Variants in PTCHD1 observed in about 807,000 individuals in gnomAD.
The protein encoded by PTCHD1 is patched domain-containing protein 1.
PTCHD1 carries 3 observed loss-of-function variants against 34.6 expected under a neutral mutation model. The ratio of observed to expected loss-of-function variants is 0.09; its 90% CI spans 0.04 to 0.22. The LOEUF (loss-of-function observed/expected upper bound fraction) is 0.22. Ranked by LOEUF, PTCHD1 falls within the 10% of genes least tolerant of loss-of-function variation. The pLI, the probability that PTCHD1 is intolerant of heterozygous loss-of-function variation, is 1.00. For missense variants in PTCHD1, 504 were observed against 685.5 expected (o/e 0.74, Z 2.96); for synonymous variants, 305 against 283.1 (o/e 1.08, Z -0.77).
intron 1 of PTCHD1, among the ~76,000 whole-genome samples, chrX:23,352,006 G>T (rs1921649711): frequency 8.9e-6 from 1 of 111,852 alleles, no homozygotes; most frequent in South Asian, 3.8e-4. Context: ...CCATGGGAAA[G>T]AATTAGTAGA....
Position 23,393,645 on chromosome X carries a change from C to T in PTCHD1, c.2127C>T (p.Phe709=). 1 of 1,210,196 alleles carries T rather than the reference C, an allele frequency of 8.3e-7. No individual in the cohort carries two copies. The highest frequency in any genetic ancestry group is 1.1e-6 in the Non-Finnish European group (1 of 895,222). The change falls in exon 3 of 3, where the codon TTC becomes TTT. Residue 709 remains phenylalanine, a synonymous_variant. Coordinates refer to ENST00000379361, the MANE Select transcript of PTCHD1 (RefSeq NM_173495.3). The part of the protein sequence containing the change: ...PLHNSCISAL[F]LLFFSAFLVA... ...ACAACTCCTGCATCAGTGCTTTGTT[C>T]CTGCTCTTCTTCTCGGCATTCCTGG...
chrX:23,384,542 T>A (rs981607826), intron 2 of PTCHD1, among the ~76,000 whole-genome samples: 3 of 112,170 alleles, frequency 2.7e-5, no homozygotes, highest in Non-Finnish European at 5.6e-5. Flanking sequence ...GAAGATTGGG[T>A]TCCATTCTCC....
chrX:23,339,366 A>C (rs1296285721), intron 1 of PTCHD1, among the ~76,000 whole-genome samples: 2 of 111,665 alleles, frequency 1.8e-5, no homozygotes, highest in East Asian at 5.6e-4. Flanking sequence ...CTTTGTACAA[A>C]GTCCTCTTCT....
chrX:23,350,220 T>G (rs1453856808), intron 1 of PTCHD1, among the ~76,000 whole-genome samples: 3 of 111,300 alleles, frequency 2.7e-5, no homozygotes, highest in Non-Finnish European at 5.7e-5. Flanking sequence ...TTTAACTCTG[T>G]CCAGTTTGGC....
At chrX:23,358,464 C>T (rs1921874033) in intron 1 of PTCHD1, among the ~76,000 whole-genome samples, 1 of 112,091 alleles carries the variant, frequency 8.9e-6, no homozygotes, top group South Asian at 3.8e-4. Context: ...GGTGTCTGTT[C>T]AAATACTTTG....
chrX:23,360,814 C>A lies in PTCHD1; in HGVS notation c.352-18777C>A, dbSNP rs1029556789. On this transcript the variant is annotated intron_variant, in intron 1 of 2. Coordinates refer to ENST00000379361, the MANE Select transcript of PTCHD1 (RefSeq NM_173495.3). ...GCTATAAATTGCCCTCTACACCCTA[C>A]TTTAAATGTGTCCCAGACATTCTGG... 6.2e-5 allele frequency among the ~76,000 whole-genome samples: 7 copies of A among 112,368 alleles called. No individual in the cohort carries two copies. The South Asian group carries it at 2.2e-3, about 36-fold the overall frequency.
At chrX:23,351,185 C>T (rs1921623763) in intron 1 of PTCHD1, 3 of 676,438 alleles carry the variant, frequency 4.4e-6, no homozygotes, top group Non-Finnish European at 7.1e-6. Context: ...CCATCTGTTG[C>T]TCAGATTGGA....
chrX:23,341,188 C>T (rs1372969266), intron 1 of PTCHD1, among the ~76,000 whole-genome samples: 3 of 111,533 alleles, frequency 2.7e-5, no homozygotes, highest in African/African-American at 9.8e-5. Context: ...GGAAGCCCAC[C>T]TTTGTAATGA....
chrX:23,363,145 C>T (rs1675943246), intron 1 of PTCHD1, among the ~76,000 whole-genome samples: 1 of 112,467 alleles, frequency 8.9e-6, no homozygotes, highest in Non-Finnish European at 1.9e-5. Context: ...ATTCTCAGAG[C>T]TCAAACACTG....
At position 23,393,584 on chromosome X, in the gene PTCHD1, T is replaced by C. The variant is rs376895360; in HGVS notation, c.2066T>C (p.Met689Thr). 44 of 1,208,628 alleles carry C rather than the reference T, an allele frequency of 3.6e-5. No individual in the cohort carries two copies. The highest frequency in any genetic ancestry group is 4.7e-5 in the Non-Finnish European group (42 of 894,047). The change falls in exon 3 of 3, where the codon ATG becomes ACG. Residue 689 changes from methionine to threonine, a missense_variant. Met to Thr is a moderately conservative substitution (Grantham distance 81, BLOSUM62 -1). Coordinates refer to ENST00000379361, the MANE Select transcript of PTCHD1 (RefSeq NM_173495.3). ...FIVFNPSFVY[M>T]DRYASSLGAP... ...GTCTTCAATCCGTCCTTTGTATACA[T>C]GGATCGATATGCCTCCTCTCTGGGA... is the stretch of plus-strand genomic sequence containing the variant.
intron 1 of PTCHD1, among the ~76,000 whole-genome samples, chrX:23,365,208 A>G (rs1010355409): frequency 2.7e-5 from 3 of 112,006 alleles, no homozygotes; most frequent in African/African-American, 9.8e-5. Context: ...AAATGTGCCT[A>G]CCATCAAAAG....
chrX:23,387,431 T>G (rs948446504), intron 2 of PTCHD1, among the ~76,000 whole-genome samples: 2 of 111,796 alleles, frequency 1.8e-5, no homozygotes, highest in African/African-American at 6.5e-5. Flanking sequence ...CATGTGTGCT[T>G]CTTTTTCCCT....
At position 23,354,521 on chromosome X, in the gene PTCHD1, A is replaced by ATC. The variant is rs1261335988; in HGVS notation, c.351+19295_351+19296insTC. On this transcript the variant is annotated intron_variant, in intron 1 of 2. Coordinates refer to ENST00000379361, the MANE Select transcript of PTCHD1 (RefSeq NM_173495.3). ...AATATATATATATATATATATATAT[A>ATC]AAGAAATCCTCCAGAAGCTAGGCTA... 2.3e-3 allele frequency among the ~76,000 whole-genome samples: 243 copies of ATC among 105,652 alleles called. 1 individual carries two copies. The highest frequency in any genetic ancestry group is 4.8e-3 in the Middle Eastern group (1 of 209). 91.7% of individuals were successfully genotyped at this position (105,652 alleles called of 115,157 possible).
chrX:23,360,430 T>A (rs1258092411), intron 1 of PTCHD1, among the ~76,000 whole-genome samples: 1 of 112,297 alleles, frequency 8.9e-6, no homozygotes, highest in African/African-American at 3.2e-5. Flanking sequence ...TCTAGTTTAT[T>A]TGTGTAGAGA....
intron 1 of PTCHD1, among the ~76,000 whole-genome samples, chrX:23,345,855 C>T (rs1332801579): frequency 8.9e-6 from 1 of 111,784 alleles, no homozygotes; most frequent in African/African-American, 3.3e-5. Context: ...AGCTCTTCTA[C>T]AAAGGGTATT....
chrX:23,385,011 G>T (rs1428501155), intron 2 of PTCHD1, among the ~76,000 whole-genome samples: 5 of 111,806 alleles, frequency 4.5e-5, no homozygotes, highest in Non-Finnish European at 9.4e-5. Context: ...ATCAGTAATA[G>T]GTTCAGCATG....
intron 1 of PTCHD1, among the ~76,000 whole-genome samples, chrX:23,375,348 G>A (rs1192999782): frequency 2.0e-5 from 2 of 100,625 alleles, no homozygotes; most frequent in East Asian, 6.3e-4. Flanking sequence ...GGAGTGCTGT[G>A]GCGCGATCTC....
intron 1 of PTCHD1, among the ~76,000 whole-genome samples, chrX:23,358,381 G>C (rs1921870603): frequency 8.9e-6 from 1 of 112,137 alleles, no homozygotes; most frequent in African/African-American, 3.2e-5. Flanking sequence ...TCTCATTGTG[G>C]TTTTGATTTG....
rs1310120973 is a variant in PTCHD1, at chrX:23,379,900, C to T, written c.661C>T (p.Leu221Phe). 8.3e-7 allele frequency: 1 copy of T among 1,211,852 alleles called. No individual in the cohort carries two copies. The highest frequency in any genetic ancestry group is 1.7e-5 in the African/African-American group (1 of 57,876). Residue 221 changes from leucine to phenylalanine, a missense_variant, in exon 2 of 3, where the codon CTC becomes TTC. Leu to Phe is a conservative substitution (Grantham distance 22, BLOSUM62 0). Transcript: ENST00000379361. ...LTYYLQSINS[L>F]NDMVAERWES... Reference sequence around the variant, plus strand: ...CTACTACCTGCAGTCAATCAACAGTCTCAATGACATGGTGGCTGAGAGGTG... The same window carrying T: ...CTACTACCTGCAGTCAATCAACAGTTTCAATGACATGGTGGCTGAGAGGTG...
Sources: gnomAD v4.1 joint callset for allele counts (sites outside exome capture counted in the v4.1 genomes callset) on GRCh38, gnomAD v4.1.1 for gene constraint, MANE v1.5 for transcripts, NCBI Gene and HGNC (gene_info 2026-07-23, HGNC 2026-07-21) for gene names.